NALF1: variants seen among roughly 807,000 people sequenced by gnomAD.
NALF1 encodes the protein family with sequence similarity 155 member A.
NALF1 carries 3 observed loss-of-function variants against 48.4 expected under a neutral mutation model. The observed-to-expected ratio is 0.06, with a 90% CI of 0.03 to 0.16. The LOEUF (loss-of-function observed/expected upper bound fraction) is 0.16. Ranked by LOEUF, NALF1 falls within the 10% of genes least tolerant of loss-of-function variation. NALF1 has a pLI of 1.00. For missense variants in NALF1, 526 were observed against 571.5 expected (o/e 0.92, Z 0.81); for synonymous variants, 262 against 245.7 (o/e 1.07, Z -0.62).
rs1884270197 is a variant in NALF1, at chr13:107,425,820, T to C, written c.916-215065A>G. On this transcript the variant is annotated intron_variant, in intron 1 of 2. Coordinates refer to ENST00000375915, the MANE Select transcript of NALF1 (RefSeq NM_001080396.3). Reference sequence around the variant, plus strand: ...TATGCACTATGATATTGGATATCTATGTACTAAGATATTAGATATCTCTGT... The same window carrying C: ...TATGCACTATGATATTGGATATCTACGTACTAAGATATTAGATATCTCTGT... 2.0e-5 allele frequency among the ~76,000 whole-genome samples: 3 copies of C among 152,172 alleles called. No homozygotes were observed. The South Asian group carries it at 6.2e-4, about 31-fold the overall frequency.
intron 1 of NALF1, among the ~76,000 whole-genome samples, chr13:107,835,876 G>A (rs1009878832): frequency 1.1e-4 from 17 of 152,122 alleles, no homozygotes; most frequent in Non-Finnish European, 1.6e-4. Flanking sequence ...GGTGAGAGAA[G>A]ATTAATACAT....
At chr13:107,215,632 T>C (rs1879857673) in intron 1 of NALF1, among the ~76,000 whole-genome samples, 1 of 152,188 alleles carries the variant, frequency 6.6e-6, no homozygotes, top group African/African-American at 2.4e-5. Context: ...ATGCGTTACA[T>C]GCAAATCTGG....
At chr13:107,313,654 C>A (rs1882087452) in intron 1 of NALF1, among the ~76,000 whole-genome samples, 1 of 152,158 alleles carries the variant, frequency 6.6e-6, no homozygotes, top group Non-Finnish European at 1.5e-5. Context: ...ATTGTTTTCT[C>A]TACCTTAATA....
intron 1 of NALF1, among the ~76,000 whole-genome samples, chr13:107,470,050 T>C (rs908173546): frequency 3.3e-5 from 5 of 152,094 alleles, no homozygotes; most frequent in African/African-American, 1.2e-4. Flanking sequence ...ACCAACTATG[T>C]ATCTTTTTAA....
At chr13:107,631,303 T>G (rs1416326388) in intron 1 of NALF1, among the ~76,000 whole-genome samples, 1 of 152,194 alleles carries the variant, frequency 6.6e-6, no homozygotes, top group Admixed American at 6.5e-5. Context: ...CTTGCTATAC[T>G]GGAGACCTTA....
At chr13:107,558,492 C>A (rs1386405909) in intron 1 of NALF1, among the ~76,000 whole-genome samples, 1 of 152,110 alleles carries the variant, frequency 6.6e-6, no homozygotes, top group Admixed American at 6.5e-5. Context: ...GATCCCACAA[C>A]AAATAAAATA....
At chr13:107,570,797 C>A (rs1442631555) in intron 1 of NALF1, among the ~76,000 whole-genome samples, 2 of 151,608 alleles carry the variant, frequency 1.3e-5, no homozygotes, top group Non-Finnish European at 2.9e-5. Flanking sequence ...GCAGTAAAAT[C>A]AGAATTTATA....
Position 107,170,396 on chromosome 13 carries a change from A to G in NALF1, c.*101T>C. The G allele has an allele frequency of 8.3e-7, 1 of 1,206,866 alleles. No individual in the cohort carries two copies. The highest frequency in any genetic ancestry group is 1.5e-5 in the South Asian group (1 of 68,028). The allele number at this position is 1,206,866 out of a possible 1,614,324, so 74.8% of individuals were successfully genotyped here. On this transcript the variant is annotated 3_prime_UTR_variant, in exon 3 of 3. Coordinates refer to ENST00000375915, the MANE Select transcript of NALF1 (RefSeq NM_001080396.3). ...ATTTTACCCTAAAGGCCTTGCAATA[A>G]GTAATTCGAGGGTAAAAGCACCCAG... is the stretch of plus-strand genomic sequence containing the variant.
At chr13:107,753,660 C>T (rs1594245041) in intron 1 of NALF1, among the ~76,000 whole-genome samples, 2 of 152,242 alleles carry the variant, frequency 1.3e-5, no homozygotes, top group Middle Eastern at 3.4e-3. Flanking sequence ...ATACTTTCTG[C>T]ATGGGATTTT....
At chr13:107,340,004 G>T (rs1165015310) in intron 1 of NALF1, among the ~76,000 whole-genome samples, 10 of 151,752 alleles carry the variant, frequency 6.6e-5, no homozygotes, top group Middle Eastern at 3.2e-3. Context: ...ATTGTCATTT[G>T]CAGTTAGACA....
chr13:107,699,908 T>G (rs962526673), intron 1 of NALF1, among the ~76,000 whole-genome samples: 1 of 152,002 alleles, frequency 6.6e-6, no homozygotes, highest in African/African-American at 2.4e-5. Flanking sequence ...CCATTTATAA[T>G]AGAATCAAAG....
intron 1 of NALF1, among the ~76,000 whole-genome samples, chr13:107,776,205 C>T (rs1371036709): frequency 6.6e-6 from 1 of 152,144 alleles, no homozygotes; most frequent in Non-Finnish European, 1.5e-5. Flanking sequence ...CAATAGAGGG[C>T]AGTGATGAAT....
intron 1 of NALF1, among the ~76,000 whole-genome samples, chr13:107,653,655 G>T (rs148364950): frequency 7.9e-5 from 12 of 151,746 alleles, no homozygotes; most frequent in Admixed American, 7.9e-4. Flanking sequence ...AAAAGAACAG[G>T]AATCTATGAG....
intron 1 of NALF1, among the ~76,000 whole-genome samples, chr13:107,217,155 G>C (rs1879890367): frequency 6.6e-6 from 1 of 152,074 alleles, no homozygotes; most frequent in Non-Finnish European, 1.5e-5. Flanking sequence ...TTTGGCCTCA[G>C]CTCGAACCAC....
At chr13:107,504,250 CAAAA>C (rs769667553) in intron 1 of NALF1, among the ~76,000 whole-genome samples, 10 of 71,688 alleles carry the variant, frequency 1.4e-4, no homozygotes, top group African/African-American at 2.8e-4. Context: ...GGCCCTATCT[CAAAA>C]AAAAAAAAAA....
intron 1 of NALF1, among the ~76,000 whole-genome samples, chr13:107,317,735 T>C (rs1320319387): frequency 6.6e-6 from 1 of 151,966 alleles, no homozygotes; most frequent in Non-Finnish European, 1.5e-5. Context: ...ATAATTGAAT[T>C]ATAATATCCA....
chr13:107,414,503 T>C lies in NALF1; in HGVS notation c.916-203748A>G, dbSNP rs905753031. Among the ~76,000 whole-genome samples, 6 of 150,520 alleles carry C rather than the reference T, an allele frequency of 4.0e-5. No homozygotes were observed. The East Asian group carries it at 9.7e-4, about 24-fold the overall frequency. On this transcript the variant is annotated intron_variant, in intron 1 of 2. Coordinates refer to ENST00000375915, the MANE Select transcript of NALF1 (RefSeq NM_001080396.3). ...TACATAGGGAATTTATTAATTCTATTAAATATAATTAAATTTAATTATAAT... is the reference window on the plus strand; with the variant it reads ...TACATAGGGAATTTATTAATTCTATCAAATATAATTAAATTTAATTATAAT...
intron 1 of NALF1, among the ~76,000 whole-genome samples, chr13:107,842,050 A>G (rs1880055789): frequency 6.6e-6 from 1 of 152,074 alleles, no homozygotes. Flanking sequence ...TTTATACATA[A>G]TAAATTTTTA....
At chr13:107,635,032 C>T (rs1302724946) in intron 1 of NALF1, among the ~76,000 whole-genome samples, 1 of 152,078 alleles carries the variant, frequency 6.6e-6, no homozygotes, top group Non-Finnish European at 1.5e-5. Context: ...ACATCACAAG[C>T]ATTAGTACAC....
Sources: gnomAD v4.1 joint callset for allele counts (sites outside exome capture counted in the v4.1 genomes callset) on GRCh38, gnomAD v4.1.1 for gene constraint, MANE v1.5 for transcripts, NCBI Gene and HGNC (gene_info 2026-07-23, HGNC 2026-07-21) for gene names.